Variants in KCNQ4 observed in about 807,000 individuals in gnomAD.
KCNQ4 encodes potassium voltage-gated channel subfamily Q member 4, also known as potassium voltage-gated channel subfamily KQT member 4.
A neutral mutation model predicts 72.6 loss-of-function variants in KCNQ4; 31 were observed. The ratio of observed to expected loss-of-function variants is 0.43; its 90% confidence interval spans 0.32 to 0.58. KCNQ4 has a LOEUF of 0.58. Among genes scored for constraint, KCNQ4 ranks in the 20% least tolerant of loss-of-function variants. The pLI is 0.08. For missense variants in KCNQ4, 869 were observed against 962.6 expected, an observed-to-expected ratio of 0.90 and a Z score of 1.29; for synonymous variants, 405 against 403.7, an observed-to-expected ratio of 1.00 and a Z score of -0.04.
At chr1:40,785,082 C>T (rs1429510367) in intron 1 of KCNQ4, among the ~76,000 whole-genome samples, 2 of 152,232 alleles carry the variant, frequency 1.3e-5, no homozygotes, top group Non-Finnish European at 2.9e-5. Context: ...CCGGCTTGGC[C>T]CAGCTCGCCT....
In KCNQ4 at chr1:40,825,794, G is replaced by A. The variant is rs140916303; in HGVS notation, c.1292+1536G>A. Among the ~76,000 whole-genome samples the A allele has an allele frequency of 4.2e-3, 638 of 152,268 alleles. 4 individuals are homozygous for A. Among genetic ancestry groups the A allele is most frequent in the African/African-American group, 0.015 (608 of 41,536 alleles). On this transcript the variant is annotated intron_variant, in intron 9 of 13. Transcript: ENST00000347132. ...CTCTCTGTGCTTCCAGTTCACTCTG[G>A]TCTCATTTTGACTGAATAGGAAGGC...
At chr1:40,806,599 CA>C (rs995534185) in intron 1 of KCNQ4, among the ~76,000 whole-genome samples, 16 of 152,326 alleles carry the variant, frequency 1.1e-4, no homozygotes, top group Admixed American at 2.0e-4. Context: ...AGAAACCATT[CA>C]AGCTGGCTCA....
In KCNQ4 at chr1:40,833,407, TA is replaced by T. The variant is rs760155849; in HGVS notation, c.1613+306del. Among the ~76,000 whole-genome samples, 842 of 145,508 alleles carry T rather than the reference TA, an allele frequency of 5.8e-3. 6 individuals carry two copies. The highest frequency in any genetic ancestry group is 0.015 in the African/African-American group (591 of 39,570). ...CCTGAGCAACAAGAGTGAAACTGTA[TA>T]AAAAAAAAAAATGTATTTTTTATGG... On this transcript the variant is annotated intron_variant, in intron 11 of 13. Transcript: ENST00000347132.
intron 9 of KCNQ4, among the ~76,000 whole-genome samples, chr1:40,830,545 C>T (rs1048950722): frequency 6.6e-6 from 1 of 152,172 alleles, no homozygotes; most frequent in South Asian, 2.1e-4. Context: ...CACCCACACT[C>T]GCACATGTGT....
At chr1:40,793,196 G>A (rs1299242621) in intron 1 of KCNQ4, among the ~76,000 whole-genome samples, 1 of 151,272 alleles carries the variant, frequency 6.6e-6, no homozygotes, top group African/African-American at 2.4e-5. Context: ...TGGAGACAGG[G>A]TCTTGCTATG....
At chr1:40,799,428 C>A (rs1647509154) in intron 1 of KCNQ4, among the ~76,000 whole-genome samples, 2 of 127,886 alleles carry the variant, frequency 1.6e-5, no homozygotes, top group Non-Finnish European at 3.4e-5. Flanking sequence ...AATGTGTGGG[C>A]CATGCCCCCC....
Position 40,831,184 on chromosome 1 carries a change from C to T in KCNQ4, c.1393C>T (p.Pro465Ser), listed in dbSNP as rs144177723. The change falls in exon 10 of 14, where the codon CCA (proline) becomes TCA (serine). Residue 465 changes from proline (P) to serine (S), a missense_variant. Around this residue, in one of 5 missense-constraint regions of KCNQ4, gnomAD observed 480 missense variants for 501.9 expected, o/e 0.96. Coordinates refer to ENST00000347132, the MANE Select transcript of KCNQ4 (RefSeq NM_004700.4). ...HLAPPTMPTS[P>S]SSEQVGEATS... is the part of the protein sequence containing the mutation. ...GGCACCTCCAACAATGCCCACCTCC[C>T]CAAGCAGCGAGCAGGTGGGTGAGGC... The T allele has an allele frequency of 9.9e-6, 16 of 1,611,088 alleles. No homozygotes were observed. The highest frequency in any genetic ancestry group is 1.3e-5 in the African/African-American group (1 of 74,864).
chr1:40,831,579 T>C (rs1648648377), intron 10 of KCNQ4, among the ~76,000 whole-genome samples: 1 of 152,262 alleles, frequency 6.6e-6, no homozygotes, highest in Non-Finnish European at 1.5e-5. Context: ...ATTTGCATCC[T>C]GGCTTTGTCA....
At chr1:40,796,137 G>A (rs1647401922) in intron 1 of KCNQ4, among the ~76,000 whole-genome samples, 2 of 152,090 alleles carry the variant, frequency 1.3e-5, no homozygotes, top group Admixed American at 6.5e-5. Context: ...GACATGAGAG[G>A]GTGGGAACGG....
chr1:40,823,989 C>G (rs1031274151), intron 8 of KCNQ4, 108 bp from the exon 9 acceptor site: 2 of 1,332,178 alleles, frequency 1.5e-6, no homozygotes, highest in Admixed American at 2.0e-5. Flanking sequence ...GTGAACACCT[C>G]TAGAGCAGCA....
chr1:40,806,746 G>A (rs1268415541), intron 1 of KCNQ4, among the ~76,000 whole-genome samples: 1 of 152,196 alleles, frequency 6.6e-6, no homozygotes, highest in African/African-American at 2.4e-5. Context: ...TTGGATTCAT[G>A]GGATAGAGAG....
At chr1:40,803,435 T>A (rs1245951446) in intron 1 of KCNQ4, among the ~76,000 whole-genome samples, 1 of 152,146 alleles carries the variant, frequency 6.6e-6, no homozygotes, top group Non-Finnish European at 1.5e-5. Context: ...CTTCTGCTTC[T>A]CCCTCTGCTG....
Position 40,831,196 on chromosome 1 carries a change from C to G in KCNQ4, c.1405C>G (p.Gln469Glu). Residue 469 changes from glutamine (Q) to glutamate (E), a missense_variant, in exon 10 of 14, where the codon CAG becomes GAG. Transcript: ENST00000347132. ...PTMPTSPSSE[Q>E]VGEATSPTKV... ...AATGCCCACCTCCCCAAGCAGCGAG[C>G]AGGTGGGTGAGGCCACCAGCCCCAC... The G allele has an allele frequency of 1.2e-6, 2 of 1,610,670 alleles. No individual in the cohort carries two copies. The highest frequency in any genetic ancestry group is 1.7e-6 in the Non-Finnish European group (2 of 1,178,576).
chr1:40,832,658 C>T (rs1392819388), intron 10 of KCNQ4, among the ~76,000 whole-genome samples: 2 of 152,316 alleles, frequency 1.3e-5, no homozygotes, highest in Middle Eastern at 3.4e-3. Context: ...TGCCATCAAA[C>T]CCCTTATCTC....
chr1:40,838,363 G>A lies in KCNQ4; in HGVS notation c.1928G>A (p.Cys643Tyr). 3.1e-6 allele frequency: 5 copies of A among 1,613,940 alleles called. No individual in the cohort carries two copies. The highest frequency in any genetic ancestry group is 4.2e-6 in the Non-Finnish European group (5 of 1,179,942). ...LDLLLGFYSR[C>Y]LRSGTSASLG... ...CTGCTGTTGGGCTTCTATTCGCGCTGCCTGCGCTCTGGCACCTCGGCCAGC... is the reference window on the plus strand; with the variant it reads ...CTGCTGTTGGGCTTCTATTCGCGCTACCTGCGCTCTGGCACCTCGGCCAGC... The change falls in exon 14 of 14, where the codon TGC becomes TAC. Residue 643 changes from cysteine (C) to tyrosine (Y), a missense_variant. Around this residue, in one of 5 missense-constraint regions of KCNQ4, gnomAD observed 480 missense variants for 501.9 expected, o/e 0.96. Coordinates refer to ENST00000347132, the MANE Select transcript of KCNQ4 (RefSeq NM_004700.4).
At chr1:40,813,753 TG>T (rs1376567696) in intron 1 of KCNQ4, among the ~76,000 whole-genome samples, 14 of 151,916 alleles carry the variant, frequency 9.2e-5, no homozygotes, top group South Asian at 4.2e-4. Context: ...TTTTTGTTTT[TG>T]TTTTTGTTTT....
At chr1:40,813,464 G>A (rs1485027482) in intron 1 of KCNQ4, among the ~76,000 whole-genome samples, 1 of 152,156 alleles carries the variant, frequency 6.6e-6, no homozygotes, top group Non-Finnish European at 1.5e-5. Flanking sequence ...GGGAGGGAAA[G>A]GAAGAATGAA....
chr1:40,832,832 C>T (rs1286979878), intron 10 of KCNQ4, among the ~76,000 whole-genome samples, 182 bp from the exon 11 acceptor site: 1 of 151,598 alleles, frequency 6.6e-6, no homozygotes, highest in Admixed American at 6.6e-5. Flanking sequence ...GCATGCAACA[C>T]ACTGGGGCTT....
In KCNQ4 at chr1:40,824,225, G is replaced by A. The variant is rs374078257; in HGVS notation, c.1259G>A (p.Arg420Gln). ...TACCCGCCCGTTGCCACCTGCCACC[G>A]GCCGGGCAGCACCTCCTTCTGCCCT... ...SRYPPVATCH[R>Q]PGSTSFCPGE... Residue 420 changes from arginine to glutamine, a missense_variant, in exon 9 of 14, where the codon CGG becomes CAG. Transcript: ENST00000347132. 4.1e-5 allele frequency: 66 copies of A among 1,607,414 alleles called. No homozygotes were observed. The African/African-American group carries it at 7.3e-4, about 18-fold the overall frequency.
Sources: allele counts gnomAD v4.1 joint callset (sites outside exome capture counted in the v4.1 genomes callset), GRCh38; gene constraint gnomAD v4.1.1; regional missense constraint gnomAD v4.1.1; transcripts MANE v1.5; gene names NCBI Gene and HGNC (gene_info 2026-07-23, HGNC 2026-07-21).